The following CAND1 variants were observed in gnomAD, a reference collection of about 807,000 sequenced individuals.
CAND1 encodes the protein cullin-associated NEDD8-dissociated protein 1.
In CAND1, 7 loss-of-function variants were observed where a neutral mutation model predicts 108.5. The ratio of observed to expected loss-of-function variants is 0.06; its 90% CI spans 0.04 to 0.12. The LOEUF (loss-of-function observed/expected upper bound fraction) is 0.12, where lower values mean the gene tolerates loss of function less well. CAND1 is among the 10% of genes least tolerant of loss of function. The pLI is 1.00. For missense variants in CAND1, 941 were observed against 1,448.7 expected, an observed-to-expected ratio of 0.65 and a Z score of 5.69; for synonymous variants, 534 against 512.0, an observed-to-expected ratio of 1.04 and a Z score of -0.58.
In CAND1 at chr12:67,282,159, C is replaced by G. The variant is rs967189829; in HGVS notation, c.212+106C>G. 11 of 1,176,700 alleles carry G rather than the reference C, an allele frequency of 9.3e-6. No individual in the cohort carries two copies. The Admixed American group carries it at 1.1e-4, about 12-fold the overall frequency. The allele number at this position is 1,176,700 out of a possible 1,614,324, so 72.9% of individuals were successfully genotyped here. A position where few individuals can be genotyped will look rare whatever the true frequency, so the allele number is the denominator to read the frequency against. On this transcript the variant is annotated intron_variant, in intron 2 of 14. Transcript: ENST00000545606. ...TATCTTAGCCTTGTACTATCTCTTT[C>G]TAGTGTGTGTGTGTAGAATTTTTAG...
Position 67,319,675 on chromosome 12 carries a change from T to G in CAND1, c.*6845T>G, listed in dbSNP as rs1209531121. The G allele has an allele frequency of 1.3e-5, 2 of 152,212 alleles. No individual in the cohort carries two copies. The highest frequency in any genetic ancestry group is 2.9e-5 in the Non-Finnish European group (2 of 68,040). 9.4% of individuals were successfully genotyped at this position (152,212 alleles called of 1,614,324 possible). ...AGTCCAGCTGTTCACAAACAGCCCT[T>G]AATGTCAAACTGAATACTGCCAACG... On this transcript the variant is annotated 3_prime_UTR_variant, in exon 15 of 15. Transcript: ENST00000545606.
At chr12:67,310,091 T>TGATG in intron 12 of CAND1, 21 bp downstream of exon 12, 2 of 1,609,736 alleles carry the variant, frequency 1.2e-6, no homozygotes, top group Non-Finnish European at 1.7e-6. Flanking sequence ...TCACACTGTT[T>TGATG]ATTTGAGCTT....
At chr12:67,307,328 G>A (rs2044897548) in intron 10 of CAND1, 69 bp from the exon 11 acceptor site, 10 of 1,099,428 alleles carry the variant, frequency 9.1e-6, no homozygotes, top group African/African-American at 1.5e-5. Flanking sequence ...ATTTGGAGTG[G>A]TTTAAAAATG....
At chr12:67,296,412 A>C (rs910706735) in intron 4 of CAND1, among the ~76,000 whole-genome samples, 4 of 152,146 alleles carry the variant, frequency 2.6e-5, no homozygotes, top group Non-Finnish European at 5.9e-5. Context: ...GAAAGTCAGA[A>C]TACAGAAAAT....
In CAND1 at chr12:67,305,979, G is replaced by A. The variant is rs1410122100; in HGVS notation, c.2311G>A (p.Gly771Arg). 1 of 1,614,010 alleles carries A rather than the reference G, an allele frequency of 6.2e-7. No homozygotes were observed. Among genetic ancestry groups the A allele is most frequent in the Non-Finnish European group, 8.5e-7 (1 of 1,180,018 alleles). ...ALVVTGTNNL[G>R]YMDLLRMLTG... ...GGTTGTCACTGGAACAAATAATTTA[G>A]GATACATGGATTTGTTGCGCATGCT... Residue 771 changes from glycine to arginine, a missense_variant, in exon 10 of 15, where the codon GGA becomes AGA. Physicochemically the swap from Gly to Arg is moderately radical, Grantham distance 125. This residue lies in a region of CAND1 where 697 missense variants were observed against 942.0 expected (regional missense o/e 0.74). Transcript: ENST00000545606. This position sits in a 1 kb window ranked among gnomAD's most constrained non-coding sequence, Gnocchi z 4.4.
At chr12:67,291,050 T>C (rs2044717523) in intron 2 of CAND1, among the ~76,000 whole-genome samples, 1 of 152,164 alleles carries the variant, frequency 6.6e-6, no homozygotes, top group African/African-American at 2.4e-5. Flanking sequence ...TTGTCTTCCA[T>C]GAAATCGGTC....
intron 13 of CAND1, chr12:67,311,331 A>C (rs1009706582): frequency 6.6e-6 from 1 of 152,084 alleles, no homozygotes; most frequent in Non-Finnish European, 1.5e-5. Flanking sequence ...CAGTTCAGTA[A>C]TTTTCTAGTT....
rs1321757900 is a variant in CAND1 at position 67,317,926 on chromosome 12, CTCTTTGCTGAT to C, written c.*5097_*5107del. 3.9e-5 allele frequency: 6 copies of C among 152,256 alleles called. No individual in the cohort carries two copies. The East Asian group carries it at 1.2e-3, about 29-fold the overall frequency. The allele number at this position is 152,256 out of a possible 1,614,324, so 9.4% of individuals were successfully genotyped here. On this transcript the variant is annotated 3_prime_UTR_variant, in exon 15 of 15. Transcript: ENST00000545606. ...ATCATCTTGCCCTGGTTTTTCCTGT[CTCTTTGCTGAT>C]GGCATCCCATTTACCCAGTCATTCA...
rs1005761606 is a variant in CAND1, at chr12:67,316,830, A to C, written c.*4000A>C. ...GATGGATATTAAGTGATTTTAGTCT[A>C]GAATGCTCTCAAAAAAATAGTAAAG... On this transcript the variant is annotated 3_prime_UTR_variant, in exon 15 of 15. Transcript: ENST00000545606. The C allele has an allele frequency of 6.6e-6, 1 of 152,182 alleles. No homozygotes were observed. The highest frequency in any genetic ancestry group is 2.4e-5 in the African/African-American group (1 of 41,444). The allele number at this position is 152,182 out of a possible 1,614,324, so 9.4% of individuals were successfully genotyped here.
At chr12:67,302,733 A>G in intron 8 of CAND1, 118 bp downstream of exon 8, 1 of 808,722 alleles carries the variant, frequency 1.2e-6, no homozygotes, top group Non-Finnish European at 2.0e-6. Flanking sequence ...GTTCTAGGAT[A>G]TGTTTATATA....
At position 67,302,303 on chromosome 12, in the gene CAND1, A is replaced by G. The variant is rs1256119294; in HGVS notation, c.1001-20A>G. ...TTCTCTTGTCATTAATAGCCTGTTT[A>G]CATTAAAACTTACCCTTAGGGAGTG... On this transcript the variant is annotated intron_variant, in intron 7 of 14. Coordinates refer to ENST00000545606, the MANE Select transcript of CAND1 (RefSeq NM_018448.5). 2 of 1,594,686 alleles carry G rather than the reference A, an allele frequency of 1.3e-6. No homozygotes were observed. Among genetic ancestry groups the G allele is most frequent in the African/African-American group, 1.3e-5 (1 of 74,608 alleles).
At chr12:67,272,469 T>C (rs1173728939) in intron 1 of CAND1, among the ~76,000 whole-genome samples, 2 of 152,202 alleles carry the variant, frequency 1.3e-5, no homozygotes, top group Admixed American at 1.3e-4. Context: ...AAGAAATGAA[T>C]GCAGGCTTAA....
Position 67,318,320 on chromosome 12 carries a change from A to G in CAND1, c.*5490A>G, listed in dbSNP as rs890127567. 1 of 152,242 alleles carries G rather than the reference A, an allele frequency of 6.6e-6. No individual in the cohort carries two copies. The highest frequency in any genetic ancestry group is 2.4e-5 in the African/African-American group (1 of 41,470). The allele number at this position is 152,242 out of a possible 1,614,324, so 9.4% of individuals were successfully genotyped here. A position where few individuals can be genotyped will look rare whatever the true frequency, so the allele number is the denominator to read the frequency against. ...CTCTACAGATAGATAGACATCATAT[A>G]TCATATTAGTTTGAATCCTGGCTGT... On this transcript the variant is annotated 3_prime_UTR_variant, in exon 15 of 15. Coordinates refer to ENST00000545606, the MANE Select transcript of CAND1 (RefSeq NM_018448.5).
At chr12:67,273,064 A>AT (rs2044536532) in intron 1 of CAND1, among the ~76,000 whole-genome samples, 1 of 152,226 alleles carries the variant, frequency 6.6e-6, no homozygotes, top group South Asian at 2.1e-4. Context: ...AGGAGGAGGC[A>AT]TTTGTGTGTC....
intron 2 of CAND1, among the ~76,000 whole-genome samples, chr12:67,289,002 C>G (rs1045070554): frequency 6.6e-5 from 10 of 152,160 alleles, no homozygotes; most frequent in Non-Finnish European, 1.3e-4. Flanking sequence ...TATATTTTCT[C>G]TGATGTTAGT....
chr12:67,288,939 T>G (rs2044697706), intron 2 of CAND1, among the ~76,000 whole-genome samples: 1 of 152,186 alleles, frequency 6.6e-6, no homozygotes, highest in Admixed American at 6.6e-5. Flanking sequence ...TATGACCCTT[T>G]TATGAATATA....
At chr12:67,309,031 A>G (rs999167678) in intron 11 of CAND1, among the ~76,000 whole-genome samples, 9 of 152,048 alleles carry the variant, frequency 5.9e-5, no homozygotes, top group African/African-American at 2.2e-4. Context: ...TAATAGCTAC[A>G]TGTGAATACT....
chr12:67,317,281 G>T lies in CAND1; in HGVS notation c.*4451G>T. On this transcript the variant is annotated 3_prime_UTR_variant, in exon 15 of 15. Coordinates refer to ENST00000545606, the MANE Select transcript of CAND1 (RefSeq NM_018448.5). ...CTCCCGAGTAGCTGGGAGTATAGGT[G>T]TGTGCCACCACGTCCAGCTAATTTT... is the stretch of plus-strand genomic sequence containing the variant. 1 of 152,188 alleles carries T rather than the reference G, an allele frequency of 6.6e-6. No homozygotes were observed. Among genetic ancestry groups the T allele is most frequent in the Non-Finnish European group, 1.5e-5 (1 of 68,132 alleles). 9.4% of individuals were successfully genotyped at this position (152,188 alleles called of 1,614,324 possible). A position where few individuals can be genotyped will look rare whatever the true frequency, so the allele number is the denominator to read the frequency against.
chr12:67,313,005 T>A lies in CAND1; in HGVS notation c.*175T>A. 1 of 533,728 alleles carries A rather than the reference T, an allele frequency of 1.9e-6. No homozygotes were observed. The highest frequency in any genetic ancestry group is 3.3e-6 in the Non-Finnish European group (1 of 302,370). The allele number at this position is 533,728 out of a possible 1,614,324, so 33.1% of individuals were successfully genotyped here. A position where few individuals can be genotyped will look rare whatever the true frequency, so the allele number is the denominator to read the frequency against. On this transcript the variant is annotated 3_prime_UTR_variant, in exon 15 of 15. Transcript: ENST00000545606. ...CCATTGTTGTTTTTGTAGCATTTAT[T>A]TCAGAAATGTGTATTTCCATAATCC...
Sources: allele counts gnomAD v4.1 joint callset (sites outside exome capture counted in the v4.1 genomes callset), GRCh38; gene constraint gnomAD v4.1.1; regional missense constraint gnomAD v4.1.1; non-coding constraint Gnocchi (gnomAD v3.1); transcripts MANE v1.5; gene names NCBI Gene and HGNC (gene_info 2026-07-23, HGNC 2026-07-21).